Variants in THSD7A observed in about 807,000 individuals in gnomAD.
The protein encoded by THSD7A is thrombospondin type 1 domain containing 7A.
THSD7A carries 96 observed loss-of-function variants against 231.3 expected under a neutral mutation model. The ratio of observed to expected loss-of-function variants is 0.41; its 90% CI spans 0.35 to 0.49. THSD7A has a LOEUF of 0.49. Ranked by LOEUF, THSD7A falls within the 20% of genes least tolerant of loss-of-function variation. THSD7A has a pLI of 0.05. For missense variants in THSD7A, 2,290 were observed against 2,070.2 expected (o/e 1.11, Z -2.06); for synonymous variants, 940 against 743.3 (o/e 1.26, Z -4.30).
chr7:11,523,445 G>A (rs920939784), intron 6 of THSD7A, among the ~76,000 whole-genome samples: 14 of 152,034 alleles, frequency 9.2e-5, no homozygotes, highest in African/African-American at 3.4e-4. Context: ...AATAATGGAG[G>A]TGGGGGTACA....
chr7:11,578,391 T>G (rs1791011549), intron 4 of THSD7A, among the ~76,000 whole-genome samples: 1 of 152,142 alleles, frequency 6.6e-6, no homozygotes, highest in Non-Finnish European at 1.5e-5. Context: ...AAATGAAACC[T>G]TATAAATTAA....
rs1456938055 is a variant in THSD7A at position 11,373,848 on chromosome 7, T to A, written c.*1946A>T. 1 of 152,066 alleles carries A rather than the reference T, an allele frequency of 6.6e-6. No homozygotes were observed. The highest frequency in any genetic ancestry group is 6.6e-5 in the Admixed American group (1 of 15,224). The allele number at this position is 152,066 out of a possible 1,614,324, so 9.4% of individuals were successfully genotyped here. A position where few individuals can be genotyped will look rare whatever the true frequency, so the allele number is the denominator to read the frequency against. On this transcript the variant is annotated 3_prime_UTR_variant, in exon 28 of 28. Transcript: ENST00000423059. ...TGTTAGTTATATTATTTTTCAAATA[T>A]CCTGAAAAGCTAGTGTCCTCTCTCA...
intron 15 of THSD7A, 56 bp downstream of exon 15, chr7:11,426,610 G>A (rs1342882453): frequency 1.1e-5 from 17 of 1,492,386 alleles, no homozygotes; most frequent in Non-Finnish European, 1.5e-5. Flanking sequence ...TCAGAAATCA[G>A]GAAATTTAAG....
At chr7:11,391,045 G>T (rs1293365995) in intron 23 of THSD7A, among the ~76,000 whole-genome samples, 2 of 152,202 alleles carry the variant, frequency 1.3e-5, no homozygotes, top group Non-Finnish European at 2.9e-5. Flanking sequence ...CCTACTGGGA[G>T]GTGTCTCCCA....
chr7:11,387,792 T>C (rs1056442960), intron 23 of THSD7A, among the ~76,000 whole-genome samples: 7 of 152,210 alleles, frequency 4.6e-5, no homozygotes, highest in Non-Finnish European at 7.3e-5. Context: ...GTGCCAGTTT[T>C]CAAAGGGAAT....
At chr7:11,547,751 T>G (rs1789458958) in intron 4 of THSD7A, among the ~76,000 whole-genome samples, 1 of 152,340 alleles carries the variant, frequency 6.6e-6, no homozygotes, top group South Asian at 2.1e-4. Context: ...AGCAACCTTC[T>G]TCTGAATGAC....
chr7:11,606,302 A>G lies in THSD7A; in HGVS notation c.1023-12800T>C, dbSNP rs138646917. ...ATGCACAGTAAGACCATGTCACTGG[A>G]AGAGTAGGAAATCAAATGAAAACAA... On this transcript the variant is annotated intron_variant, in intron 2 of 27. Transcript: ENST00000423059. Among the ~76,000 whole-genome samples the G allele has an allele frequency of 1.9e-3, 293 of 152,200 alleles. 1 individual carries two copies. Among genetic ancestry groups the G allele is most frequent in the African/African-American group, 6.6e-3 (275 of 41,542 alleles).
At chr7:11,663,473 C>T (rs1783009437) in intron 1 of THSD7A, among the ~76,000 whole-genome samples, 1 of 151,328 alleles carries the variant, frequency 6.6e-6, no homozygotes, top group African/African-American at 2.4e-5. Flanking sequence ...AAAAGAAGCC[C>T]ATCATGATAA....
chr7:11,793,544 A>C (rs1458919797), intron 1 of THSD7A, among the ~76,000 whole-genome samples: 1 of 144,264 alleles, frequency 6.9e-6, no homozygotes, highest in African/African-American at 2.6e-5. Flanking sequence ...AAATAGGTTA[A>C]AATGAAAAAA....
At chr7:11,703,681 T>C (rs538940514) in intron 1 of THSD7A, among the ~76,000 whole-genome samples, 20 of 151,444 alleles carry the variant, frequency 1.3e-4, no homozygotes, top group African/African-American at 4.8e-4. Context: ...ATGTGGTGTC[T>C]GACTGTACTT....
chr7:11,412,644 T>G lies in THSD7A; in HGVS notation c.3682+12A>C. 6.2e-7 allele frequency: 1 copy of G among 1,613,540 alleles called. No homozygotes were observed. Among genetic ancestry groups the G allele is most frequent in the Non-Finnish European group, 8.5e-7 (1 of 1,179,602 alleles). ...TGGACTTAACTCCGTGATCAGATGA[T>G]GATCCATGTACCTGTTACATTATAA... On this transcript the variant is annotated intron_variant, in intron 18 of 27. Transcript: ENST00000423059.
At chr7:11,819,337 A>G (rs1784800248) in intron 1 of THSD7A, among the ~76,000 whole-genome samples, 1 of 152,204 alleles carries the variant, frequency 6.6e-6, no homozygotes, top group Non-Finnish European at 1.5e-5. Flanking sequence ...GTATTTACGC[A>G]AATGAACTAA....
chr7:11,739,757 G>A (rs1164532918), intron 1 of THSD7A, among the ~76,000 whole-genome samples: 2 of 151,732 alleles, frequency 1.3e-5, no homozygotes, highest in Non-Finnish European at 2.9e-5. Flanking sequence ...TTCCTAACTG[G>A]TGTTTCTACT....
At chr7:11,738,068 G>A (rs936402865) in intron 1 of THSD7A, among the ~76,000 whole-genome samples, 2 of 151,544 alleles carry the variant, frequency 1.3e-5, no homozygotes, top group African/African-American at 4.9e-5. Context: ...ATTTGATATG[G>A]TTTATCTTTT....
intron 23 of THSD7A, among the ~76,000 whole-genome samples, chr7:11,392,531 G>A (rs757401596): frequency 2.6e-5 from 4 of 152,004 alleles, no homozygotes; most frequent in East Asian, 1.9e-4. Context: ...CAGCAGGACC[G>A]AACTATTCAC....
intron 2 of THSD7A, among the ~76,000 whole-genome samples, chr7:11,598,568 C>A (rs1309547877): frequency 6.6e-6 from 1 of 152,118 alleles, no homozygotes; most frequent in Non-Finnish European, 1.5e-5. Flanking sequence ...TTTGCCAGCA[C>A]TTATGGGGGA....
Position 11,478,866 on chromosome 7 carries a change from T to C in THSD7A, c.2017+2922A>G, listed in dbSNP as rs117211063. Among the ~76,000 whole-genome samples, 1,198 of 152,274 alleles carry C rather than the reference T, an allele frequency of 7.9e-3. 7 individuals carry two copies. The highest frequency in any genetic ancestry group is 0.014 in the Non-Finnish European group (927 of 68,018). On this transcript the variant is annotated intron_variant, in intron 7 of 27. Coordinates refer to ENST00000423059, the MANE Select transcript of THSD7A (RefSeq NM_015204.3). ...AGTACTAGTCAATACTCCTCTCATT[T>C]TAGCACACAATAGGATTATATTTCC...
intron 1 of THSD7A, among the ~76,000 whole-genome samples, chr7:11,770,370 G>C (rs974135638): frequency 6.6e-6 from 1 of 151,948 alleles, no homozygotes; most frequent in African/African-American, 2.4e-5. Flanking sequence ...TTAATCCTAG[G>C]TTTGCTCAAA....
chr7:11,376,332 T>C (rs1782271446), intron 27 of THSD7A, among the ~76,000 whole-genome samples: 2 of 152,110 alleles, frequency 1.3e-5, no homozygotes, highest in Admixed American at 1.3e-4. Context: ...CAATATTTTC[T>C]TGAAAGTATG....
Sources: gnomAD v4.1 joint callset for allele counts (sites outside exome capture counted in the v4.1 genomes callset) on GRCh38, gnomAD v4.1.1 for gene constraint, MANE v1.5 for transcripts, NCBI Gene and HGNC (gene_info 2026-07-23, HGNC 2026-07-21) for gene names.